The following TSPAN18 variants were observed in gnomAD, a reference collection of about 807,000 sequenced individuals.
The protein encoded by TSPAN18 is tetraspanin 18.
A neutral mutation model predicts 27.3 loss-of-function variants in TSPAN18; 14 were observed. That is an observed-to-expected ratio of 0.51 (90% CI 0.34 to 0.80). The LOEUF is 0.80. Ranked by LOEUF, TSPAN18 falls within the 30% of genes least tolerant of loss-of-function variation. The pLI is 0.01. For missense variants in TSPAN18, 268 were observed against 323.9 expected (o/e 0.83, Z 1.32); for synonymous variants, 143 against 136.5 (o/e 1.05, Z -0.33).
In TSPAN18 at chr11:44,832,987, C is replaced by G. The variant is rs189211816; in HGVS notation, c.-152-27341C>G. Among the ~76,000 whole-genome samples, 354 of 152,222 alleles carry G rather than the reference C, an allele frequency of 2.3e-3. 3 individuals are homozygous for G. The highest frequency in any genetic ancestry group is 4.3e-3 in the African/African-American group (180 of 41,528). On this transcript the variant is annotated intron_variant, in intron 2 of 9. Coordinates refer to ENST00000520358, the MANE Select transcript of TSPAN18 (RefSeq NM_130783.5). ...TCTGTGCCTTTGCCCACACGCTGTC[C>G]TCTCCTGGGAATGCCCTTCTTCCCT...
At chr11:44,891,937 C>T (rs1005804272) in intron 3 of TSPAN18, among the ~76,000 whole-genome samples, 7 of 152,156 alleles carry the variant, frequency 4.6e-5, no homozygotes, top group Non-Finnish European at 8.8e-5. Flanking sequence ...TGTGAATTAC[C>T]ACAAGAATAG....
At chr11:44,903,671 A>G in intron 3 of TSPAN18, 1 of 455,854 alleles carries the variant, frequency 2.2e-6, no homozygotes, top group South Asian at 1.5e-5. Context: ...TGTGATAGAG[A>G]GGATGATGTC....
intron 1 of TSPAN18, among the ~76,000 whole-genome samples, chr11:44,761,729 G>C (rs1855459252): frequency 1.3e-5 from 2 of 152,220 alleles, no homozygotes; most frequent in Non-Finnish European, 2.9e-5. Context: ...ATTCACCCAG[G>C]CTGCGTGGCT....
chr11:44,909,311 A>T (rs1859620645), intron 4 of TSPAN18, among the ~76,000 whole-genome samples: 1 of 152,004 alleles, frequency 6.6e-6, no homozygotes, highest in Non-Finnish European at 1.5e-5. Context: ...TCTGCCATGA[A>T]CTTGCTGTGT....
At chr11:44,883,959 A>T (rs145725076) in intron 3 of TSPAN18, among the ~76,000 whole-genome samples, 2 of 151,070 alleles carry the variant, frequency 1.3e-5, no homozygotes, top group East Asian at 4.0e-4. Flanking sequence ...CAAGGTATTT[A>T]CAACCGTTTC....
rs1202093358 is a variant in TSPAN18 at position 44,866,814 on chromosome 11, T to TC, written c.-11+6346dup. ...GCTGTCTTCCTAGACCCAGCCATTT[T>TC]CTGACTGGCCTGGGAAACCAGCCGC... On this transcript the variant is annotated intron_variant, in intron 3 of 9. Coordinates refer to ENST00000520358, the MANE Select transcript of TSPAN18 (RefSeq NM_130783.5). 2.6e-5 allele frequency among the ~76,000 whole-genome samples: 4 copies of TC among 152,340 alleles called. No homozygotes were observed. The South Asian group carries it at 8.3e-4, about 32-fold the overall frequency.
chr11:44,834,460 T>C (rs1266840784), intron 2 of TSPAN18, among the ~76,000 whole-genome samples: 11 of 151,692 alleles, frequency 7.3e-5, no homozygotes, highest in Non-Finnish European at 1.2e-4. Context: ...GTTGTGAAGT[T>C]GGCAAATGAT....
chr11:44,852,044 T>C (rs1335679065), intron 2 of TSPAN18, among the ~76,000 whole-genome samples: 2 of 152,212 alleles, frequency 1.3e-5, no homozygotes, highest in African/African-American at 4.8e-5. Flanking sequence ...AGGCACTTAA[T>C]GAGTGTCTGC....
At chr11:44,801,710 A>G (rs1856484098) in intron 2 of TSPAN18, among the ~76,000 whole-genome samples, 1 of 152,164 alleles carries the variant, frequency 6.6e-6, no homozygotes, top group Non-Finnish European at 1.5e-5. Flanking sequence ...TCAAGCCTTT[A>G]TCTCTTCACC....
chr11:44,851,321 T>C (rs556919995), intron 2 of TSPAN18, among the ~76,000 whole-genome samples: 2 of 152,312 alleles, frequency 1.3e-5, no homozygotes, highest in South Asian at 2.1e-4. Context: ...CTAGCGGGGC[T>C]AGCCCGGCAT....
At chr11:44,908,794 A>AGAAAGAAGGAAGGAAG (rs1859580300) in intron 4 of TSPAN18, among the ~76,000 whole-genome samples, 1 of 77,832 alleles carries the variant, frequency 1.3e-5, no homozygotes, top group African/African-American at 4.2e-5. Flanking sequence ...AAAGAAAGAA[A>AGAAAGAAGGAAGGAAG]GAAAGAAAGA....
intron 2 of TSPAN18, among the ~76,000 whole-genome samples, chr11:44,824,398 G>C (rs1856991877): frequency 6.6e-6 from 1 of 152,222 alleles, no homozygotes; most frequent in African/African-American, 2.4e-5. Flanking sequence ...GCAGGGATAG[G>C]GGATGTGGTG....
chr11:44,872,636 T>C (rs1327675152), intron 3 of TSPAN18, among the ~76,000 whole-genome samples: 2 of 152,326 alleles, frequency 1.3e-5, no homozygotes, highest in South Asian at 2.1e-4. Context: ...GTGCTTACTA[T>C]ATGCCAGACT....
At chr11:44,891,875 A>G (rs1440968369) in intron 3 of TSPAN18, among the ~76,000 whole-genome samples, 4 of 152,202 alleles carry the variant, frequency 2.6e-5, no homozygotes, top group Non-Finnish European at 5.9e-5. Context: ...TAAATGGGAA[A>G]TGAACAAAAG....
At chr11:44,755,987 A>G (rs1855324382) in intron 1 of TSPAN18, among the ~76,000 whole-genome samples, 1 of 151,900 alleles carries the variant, frequency 6.6e-6, no homozygotes, top group Non-Finnish European at 1.5e-5. Context: ...GGAGAGAGAG[A>G]TGGAGGAGGG....
At chr11:44,822,319 T>C (rs975051598) in intron 2 of TSPAN18, among the ~76,000 whole-genome samples, 2 of 152,026 alleles carry the variant, frequency 1.3e-5, no homozygotes, top group Admixed American at 1.3e-4. Context: ...CTGCAAGAGG[T>C]AAACCCAGAA....
chr11:44,908,787 G>GAA (rs1554938088), intron 4 of TSPAN18, among the ~76,000 whole-genome samples: 73 of 79,588 alleles, frequency 9.2e-4, no homozygotes, highest in African/African-American at 3.4e-3. Flanking sequence ...AAGAAAGAAA[G>GAA]AAAGAAAGAA....
intron 2 of TSPAN18, among the ~76,000 whole-genome samples, chr11:44,767,176 G>T (rs1409872606): frequency 6.6e-6 from 1 of 152,206 alleles, no homozygotes; most frequent in Admixed American, 6.5e-5. Context: ...TCCCTGTCCT[G>T]ATGTGCTATC....
At chr11:44,881,546 G>T (rs2135260184) in intron 3 of TSPAN18, among the ~76,000 whole-genome samples, 1 of 152,338 alleles carries the variant, frequency 6.6e-6, no homozygotes, top group Non-Finnish European at 1.5e-5. Flanking sequence ...TTTGTGAACT[G>T]AGGATATCAG....
Sources: gnomAD v4.1 joint callset for allele counts (sites outside exome capture counted in the v4.1 genomes callset) on GRCh38, gnomAD v4.1.1 for gene constraint, MANE v1.5 for transcripts, NCBI Gene and HGNC (gene_info 2026-07-23, HGNC 2026-07-21) for gene names.